Variants in PIP4K2A observed in about 807,000 individuals in gnomAD.
PIP4K2A encodes the protein phosphatidylinositol-5-phosphate 4-kinase type 2 alpha, also known as phosphatidylinositol 5-phosphate 4-kinase type-2 alpha.
In PIP4K2A, 14 loss-of-function variants were observed where a neutral mutation model predicts 42.9. The observed-to-expected ratio is 0.33, with a 90% confidence interval of 0.22 to 0.51. The LOEUF (loss-of-function observed/expected upper bound fraction) is 0.51. PIP4K2A is among the 20% of genes least tolerant of loss of function. The pLI is 0.97. For synonymous variants in PIP4K2A, 192 were observed against 192.2 expected, an observed-to-expected ratio of 1.00 and a Z score of 0.01; for missense variants, 434 against 519.8, an observed-to-expected ratio of 0.83 and a Z score of 1.61.
chr10:22,581,728 C>T (rs570916210), intron 4 of PIP4K2A, among the ~76,000 whole-genome samples: 5 of 152,228 alleles, frequency 3.3e-5, no homozygotes, highest in African/African-American at 1.2e-4. Context: ...CAGAAACTTT[C>T]CTATTTTTGC....
intron 7 of PIP4K2A, among the ~76,000 whole-genome samples, chr10:22,543,608 C>G (rs1283712593): frequency 6.6e-6 from 1 of 152,224 alleles, no homozygotes; most frequent in Non-Finnish European, 1.5e-5. Context: ...TCCACTTGCA[C>G]CTCTCTCTGC....
Position 22,541,981 on chromosome 10 carries a change from C to T in PIP4K2A, c.859G>A (p.Glu287Lys), listed in dbSNP as rs527968606. The T allele has an allele frequency of 2.5e-5, 41 of 1,613,908 alleles. 1 individual carries two copies. Among genetic ancestry groups the T allele is most frequent in the Middle Eastern group, 1.6e-4 (1 of 6,082 alleles). ...LVGIHDVERA[E>K]QEEVECEEND... ...TCCTCACACTCCACTTCCTCCTGTTCGGCTCTCTCCACATCATGAATTCCC... is the reference window on the plus strand; with the variant it reads ...TCCTCACACTCCACTTCCTCCTGTTTGGCTCTCTCCACATCATGAATTCCC... The change falls in exon 8 of 10, where the codon GAA (glutamate) becomes AAA (lysine). Residue 287 changes from glutamate to lysine, a missense_variant. Glu to Lys is a moderately conservative substitution (Grantham distance 56). Around this residue, in one of 2 missense-constraint regions of PIP4K2A, gnomAD observed 395 missense variants for 444.5 expected, o/e 0.89. Coordinates refer to ENST00000376573, the MANE Select transcript of PIP4K2A (RefSeq NM_005028.5).
intron 4 of PIP4K2A, among the ~76,000 whole-genome samples, chr10:22,585,450 A>G (rs1837370913): frequency 1.3e-5 from 2 of 152,216 alleles, no homozygotes; most frequent in Admixed American, 1.3e-4. Context: ...TCACTTTGAA[A>G]TAAGAAAGTA....
intron 1 of PIP4K2A, among the ~76,000 whole-genome samples, chr10:22,639,225 C>T (rs1273266641): frequency 6.6e-6 from 1 of 152,086 alleles, no homozygotes. Context: ...ATACCGAAAG[C>T]CATTTAGGTA....
At chr10:22,615,817 T>G (rs2130726101) in intron 1 of PIP4K2A, among the ~76,000 whole-genome samples, 1 of 152,340 alleles carries the variant, frequency 6.6e-6, no homozygotes, top group South Asian at 2.1e-4. Context: ...CACAGTATAG[T>G]TCTCTCTGTA....
At chr10:22,699,706 G>A (rs1463947836) in intron 1 of PIP4K2A, among the ~76,000 whole-genome samples, 1 of 152,054 alleles carries the variant, frequency 6.6e-6, no homozygotes, top group Non-Finnish European at 1.5e-5. Flanking sequence ...CTTTCTTTGG[G>A]AAACTTGCAG....
At chr10:22,691,422 C>T (rs558078954) in intron 1 of PIP4K2A, among the ~76,000 whole-genome samples, 20 of 152,180 alleles carry the variant, frequency 1.3e-4, no homozygotes, top group Non-Finnish European at 2.5e-4. Flanking sequence ...CGATTGCCAC[C>T]CCAGTACATT....
chr10:22,684,260 T>C (rs979199497), intron 1 of PIP4K2A, among the ~76,000 whole-genome samples: 3 of 152,300 alleles, frequency 2.0e-5, no homozygotes, highest in African/African-American at 7.2e-5. Flanking sequence ...ACATTACTGA[T>C]TGGGTCGTTT....
intron 1 of PIP4K2A, among the ~76,000 whole-genome samples, chr10:22,624,844 C>G (rs139662515): frequency 1.9e-3 from 293 of 152,198 alleles, no homozygotes; most frequent in African/African-American, 6.3e-3. Context: ...TATCTTTTTG[C>G]CAAAAACAAT....
intron 1 of PIP4K2A, among the ~76,000 whole-genome samples, chr10:22,628,924 G>A (rs971240990): frequency 2.0e-5 from 3 of 152,144 alleles, no homozygotes; most frequent in Admixed American, 2.0e-4. Context: ...GTAGAATGAG[G>A]CATGTCCAAC....
At chr10:22,713,184 G>A (rs989099311) in intron 1 of PIP4K2A, among the ~76,000 whole-genome samples, 3 of 152,196 alleles carry the variant, frequency 2.0e-5, no homozygotes, top group Non-Finnish European at 2.9e-5. Context: ...AAAACTGCAG[G>A]AGTTTCTCGC....
At chr10:22,691,114 G>A (rs2130898822) in intron 1 of PIP4K2A, among the ~76,000 whole-genome samples, 1 of 152,276 alleles carries the variant, frequency 6.6e-6, no homozygotes, top group African/African-American at 2.4e-5. Context: ...GGTTCAGACG[G>A]TGTGTGCCAA....
chr10:22,679,169 A>G (rs1044038312), intron 1 of PIP4K2A, among the ~76,000 whole-genome samples: 1 of 152,216 alleles, frequency 6.6e-6, no homozygotes, highest in Non-Finnish European at 1.5e-5. Context: ...AAATATTTGC[A>G]AATCTGACAA....
intron 1 of PIP4K2A, among the ~76,000 whole-genome samples, chr10:22,667,928 G>T (rs1356195333): frequency 7.8e-6 from 1 of 128,074 alleles, no homozygotes; most frequent in African/African-American, 3.0e-5. Context: ...GAGAGGGGGA[G>T]GGAGGGAGAC....
At chr10:22,600,088 A>C (rs935533497) in intron 3 of PIP4K2A, among the ~76,000 whole-genome samples, 1 of 152,122 alleles carries the variant, frequency 6.6e-6, no homozygotes, top group African/African-American at 2.4e-5. Flanking sequence ...TCTCTCTCTC[A>C]TAAAAGTGTC....
chr10:22,583,094 C>A (rs1424182043), intron 4 of PIP4K2A, among the ~76,000 whole-genome samples: 3 of 152,162 alleles, frequency 2.0e-5, no homozygotes, highest in Non-Finnish European at 4.4e-5. Context: ...CACGGATGTG[C>A]CTCATTCAAT....
chr10:22,680,608 C>T (rs191310317), intron 1 of PIP4K2A, among the ~76,000 whole-genome samples: 32 of 152,196 alleles, frequency 2.1e-4, no homozygotes, highest in South Asian at 2.1e-4. Flanking sequence ...AGTAACACTG[C>T]GTAAAAAACA....
Position 22,709,700 on chromosome 10 carries a change from A to G in PIP4K2A, c.144+4483T>C, listed in dbSNP as rs1026318890. Among the ~76,000 whole-genome samples, 5 of 152,210 alleles carry G rather than the reference A, an allele frequency of 3.3e-5. No homozygotes were observed. In the East Asian group the frequency reaches 7.7e-4, roughly 23 times the overall value. ...CTAAGTAACACTAAGTACTAAGTAT[A>G]AATACTTAGAGTTCACTCTAAAGTA... On this transcript the variant is annotated intron_variant, in intron 1 of 9. Coordinates refer to ENST00000376573, the MANE Select transcript of PIP4K2A (RefSeq NM_005028.5).
In PIP4K2A at chr10:22,687,544, G is replaced by GAC. The variant is rs137860168; in HGVS notation, c.144+26637_144+26638dup. 1.9e-3 allele frequency among the ~76,000 whole-genome samples: 283 copies of GAC among 149,948 alleles called. 2 individuals carry two copies. The highest frequency in any genetic ancestry group is 4.9e-3 in the South Asian group (23 of 4,728). ...GTTTTAGTTACTCGTTACGAAAGCA[G>GAC]ACACACACACACACACACGCATACA... is the stretch of plus-strand genomic sequence containing the variant. On this transcript the variant is annotated intron_variant, in intron 1 of 9. Transcript: ENST00000376573.
Sources: gnomAD v4.1 joint callset for allele counts (sites outside exome capture counted in the v4.1 genomes callset) on GRCh38, gnomAD v4.1.1 for gene constraint, gnomAD v4.1.1 regional missense constraint, MANE v1.5 for transcripts, NCBI Gene and HGNC (gene_info 2026-07-23, HGNC 2026-07-21) for gene names.